SUSD1: variants seen among roughly 807,000 people sequenced by gnomAD.
The protein encoded by SUSD1 is sushi domain-containing protein 1.
A neutral mutation model predicts 86.9 loss-of-function variants in SUSD1; 65 were observed. The ratio of observed to expected loss-of-function variants is 0.75; its 90% CI spans 0.61 to 0.92. The LOEUF is 0.92. Ranked by LOEUF, SUSD1 falls within the 40% of genes least tolerant of loss-of-function variation. SUSD1 has a pLI of 0.00. For synonymous variants in SUSD1, 346 were observed against 350.0 expected, an observed-to-expected ratio of 0.99 and a Z score of 0.13; for missense variants, 850 against 929.7, an observed-to-expected ratio of 0.91 and a Z score of 1.11.
intron 1 of SUSD1, among the ~76,000 whole-genome samples, chr9:112,173,143 C>T (rs1366489479): frequency 2.0e-5 from 3 of 152,066 alleles, no homozygotes. Context: ...TCTGCAAGTC[C>T]TATGCGCACT....
chr9:112,087,788 A>G (rs1234634428), intron 10 of SUSD1, among the ~76,000 whole-genome samples: 1 of 152,244 alleles, frequency 6.6e-6, no homozygotes, highest in African/African-American at 2.4e-5. Flanking sequence ...ATAAACAAGC[A>G]TGAAACAGAA....
chr9:112,067,626 C>T lies in SUSD1; in HGVS notation c.1754-4593G>A, dbSNP rs60637843. Reference sequence around the variant, plus strand: ...GTGAATTCCAGGCAAATGCTAAACCCCTTGGGTGGTGGAGACAGTGAGGAC... The same window carrying T: ...GTGAATTCCAGGCAAATGCTAAACCTCTTGGGTGGTGGAGACAGTGAGGAC... On this transcript the variant is annotated intron_variant, in intron 12 of 16. Coordinates refer to ENST00000374270, the MANE Select transcript of SUSD1 (RefSeq NM_022486.5). Among the ~76,000 whole-genome samples the T allele has an allele frequency of 2.6e-5, 4 of 152,266 alleles. No individual in the cohort carries two copies. In the East Asian group the frequency reaches 7.7e-4, roughly 29 times the overall value.
chr9:112,109,132 A>C (rs1830981657), intron 8 of SUSD1, among the ~76,000 whole-genome samples: 1 of 152,232 alleles, frequency 6.6e-6, no homozygotes, highest in South Asian at 2.1e-4. Context: ...AATTGACTCA[A>C]GAAAATGTCA....
At chr9:112,152,751 C>CTTTTTTTTTTTTTTT (rs71382410) in intron 2 of SUSD1, among the ~76,000 whole-genome samples, 1 of 87,478 alleles carries the variant, frequency 1.1e-5, no homozygotes, top group Admixed American at 1.6e-4. Flanking sequence ...TTTTTTTAAT[C>CTTTTTTTTTTTTTTT]TTTTTTTTTT....
chr9:112,068,892 G>A (rs1829118617), intron 12 of SUSD1, among the ~76,000 whole-genome samples: 2 of 152,128 alleles, frequency 1.3e-5, no homozygotes, highest in Non-Finnish European at 2.9e-5. Flanking sequence ...CCTTGCTCAG[G>A]GGAGAGACGG....
At chr9:112,062,311 A>G (rs1224994818) in intron 13 of SUSD1, among the ~76,000 whole-genome samples, 2 of 152,200 alleles carry the variant, frequency 1.3e-5, no homozygotes, top group Admixed American at 6.5e-5. Context: ...ATGTCCTAAC[A>G]TGCAACCGAC....
Position 112,058,432 on chromosome 9 carries a change from T to C in SUSD1, c.2105A>G (p.Asn702Ser). 2 of 1,613,696 alleles carry C rather than the reference T, an allele frequency of 1.2e-6. No homozygotes were observed. Among genetic ancestry groups the C allele is most frequent in the Non-Finnish European group, 1.7e-6 (2 of 1,179,722 alleles). The change falls in exon 14 of 17, where the codon AAT becomes AGT. Residue 702 changes from asparagine to serine, a missense_variant. Asn to Ser is a conservative substitution (Grantham distance 46, BLOSUM62 1). Transcript: ENST00000374270. ...AGAGCTTGGAAAGAAAGATACCTTA[T>C]TCCATTCACTTGTGATTCGTAATAT... ...CIILRITSEW[N>S]KVRRHSCAVW...
At chr9:112,138,613 T>G (rs1271392271) in intron 5 of SUSD1, among the ~76,000 whole-genome samples, 2 of 151,862 alleles carry the variant, frequency 1.3e-5, no homozygotes, top group East Asian at 3.9e-4. Flanking sequence ...CACGCCCAGG[T>G]AATTTGTTGT....
intron 5 of SUSD1, among the ~76,000 whole-genome samples, chr9:112,130,408 G>C (rs1214612274): frequency 2.0e-5 from 3 of 150,078 alleles, no homozygotes; most frequent in Admixed American, 1.3e-4. Context: ...GGAGGGAACG[G>C]GAGGGGAGGG....
At chr9:112,123,541 T>C (rs948079222) in intron 6 of SUSD1, among the ~76,000 whole-genome samples, 1 of 152,214 alleles carries the variant, frequency 6.6e-6, no homozygotes, top group African/African-American at 2.4e-5. Flanking sequence ...GGCTCACACC[T>C]GTAATCCCAG....
intron 1 of SUSD1, among the ~76,000 whole-genome samples, chr9:112,170,328 G>A (rs1833984192): frequency 6.6e-6 from 1 of 152,138 alleles, no homozygotes; most frequent in Non-Finnish European, 1.5e-5. Context: ...AATGCATGAT[G>A]AGTGAAGTCA....
At chr9:112,167,893 G>A (rs1030509518) in intron 1 of SUSD1, among the ~76,000 whole-genome samples, 9 of 152,188 alleles carry the variant, frequency 5.9e-5, no homozygotes, top group Non-Finnish European at 1.3e-4. Context: ...CAAAAGGCAT[G>A]TGTTACACAG....
intron 10 of SUSD1, among the ~76,000 whole-genome samples, chr9:112,088,305 A>T (rs1830063789): frequency 6.6e-6 from 1 of 152,242 alleles, no homozygotes; most frequent in Admixed American, 6.5e-5. Context: ...TAGCTCTAAG[A>T]CAAAAATAAA....
chr9:112,107,269 A>G lies in SUSD1; in HGVS notation c.1171+4385T>C, dbSNP rs868567083. Among the ~76,000 whole-genome samples, 529 of 150,476 alleles carry G rather than the reference A, an allele frequency of 3.5e-3. 2 individuals carry two copies. The highest frequency in any genetic ancestry group is 0.01 in the African/African-American group (416 of 40,850). Reference sequence around the variant, plus strand: ...GACCATATCTCAAAAAAAAAAAAAAAAAAAGAAAAGAAAGAAAAAAAAGAA... The same window carrying G: ...GACCATATCTCAAAAAAAAAAAAAAGAAAAGAAAAGAAAGAAAAAAAAGAA... On this transcript the variant is annotated intron_variant, in intron 8 of 16. Transcript: ENST00000374270.
intron 14 of SUSD1, among the ~76,000 whole-genome samples, chr9:112,052,871 C>G (rs1358976528): frequency 6.6e-6 from 1 of 152,170 alleles, no homozygotes; most frequent in African/African-American, 2.4e-5. Context: ...GTATATAATA[C>G]TTCATCTATC....
At chr9:112,058,358 A>G (rs1828543914) in intron 14 of SUSD1, 70 bp downstream of exon 14, 1 of 1,538,364 alleles carries the variant, frequency 6.5e-7, no homozygotes. Context: ...TGGAAAATAA[A>G]TGTTCAAACA....
intron 1 of SUSD1, chr9:112,173,648 C>A (rs528848999): frequency 2.2e-6 from 1 of 462,500 alleles, no homozygotes; most frequent in South Asian, 1.6e-5. Flanking sequence ...GCCTGAGCCC[C>A]TTGGCAATGC....
At chr9:112,163,468 CAA>C (rs34476249) in intron 1 of SUSD1, among the ~76,000 whole-genome samples, 4 of 136,474 alleles carry the variant, frequency 2.9e-5, no homozygotes, top group Non-Finnish European at 4.8e-5. Flanking sequence ...TCATCGCTAC[CAA>C]AAAAAAAAAA....
chr9:112,050,738 T>C (rs1828154291), intron 15 of SUSD1, among the ~76,000 whole-genome samples: 1 of 152,174 alleles, frequency 6.6e-6, no homozygotes, highest in Non-Finnish European at 1.5e-5. Context: ...TTTCTGGTAT[T>C]AGCTACAAAC....
Sources: gnomAD v4.1 joint callset for allele counts (sites outside exome capture counted in the v4.1 genomes callset) on GRCh38, gnomAD v4.1.1 for gene constraint, MANE v1.5 for transcripts, NCBI Gene and HGNC (gene_info 2026-07-23, HGNC 2026-07-21) for gene names.